The following SCFD1 variants were observed in gnomAD, a reference collection of about 807,000 sequenced individuals.
SCFD1 encodes sec1 family domain-containing protein 1.
SCFD1 carries 37 observed loss-of-function variants against 103.2 expected under a neutral mutation model. The observed-to-expected ratio is 0.36, with a 90% CI of 0.28 to 0.47. The LOEUF (loss-of-function observed/expected upper bound fraction) is 0.47, where lower values mean the gene tolerates loss of function less well. SCFD1 is among the 20% of genes least tolerant of loss of function. The probability of loss-of-function intolerance (pLI) is 1.00; values close to 1 mark genes in which losing one functional copy is unlikely to be tolerated. For missense variants in SCFD1, 639 were observed against 761.2 expected (o/e 0.84, Z 1.89); for synonymous variants, 264 against 245.0 (o/e 1.08, Z -0.73).
chr14:30,635,808 A>G (rs1029395474), intron 4 of SCFD1, among the ~76,000 whole-genome samples: 8 of 151,572 alleles, frequency 5.3e-5, no homozygotes, highest in African/African-American at 1.7e-4. Context: ...TGATAACTCT[A>G]TGTTTACCTT....
intron 14 of SCFD1, among the ~76,000 whole-genome samples, chr14:30,682,770 G>A (rs1053944579): frequency 2.0e-5 from 3 of 152,256 alleles, no homozygotes; most frequent in Non-Finnish European, 4.4e-5. Context: ...AACAGGAATG[G>A]CTAGAATATA....
intron 23 of SCFD1, among the ~76,000 whole-genome samples, chr14:30,723,521 A>G (rs1594766790): frequency 6.6e-6 from 1 of 152,050 alleles, no homozygotes; most frequent in Admixed American, 6.5e-5. Context: ...CCTAGTACCC[A>G]TTTGTTATTT....
At chr14:30,649,384 T>A in intron 7 of SCFD1, 144 bp from the exon 8 acceptor site, 1 of 626,528 alleles carries the variant, frequency 1.6e-6, no homozygotes, top group Non-Finnish European at 2.7e-6. Context: ...ATTAAAAAAA[T>A]GTGGAAAAAT....
At position 30,735,608 on chromosome 14, in the gene SCFD1, A is replaced by G; in HGVS notation, c.1928A>G (p.Ter643=). 1 of 1,590,710 alleles carries G rather than the reference A, an allele frequency of 6.3e-7. No homozygotes were observed. The highest frequency in any genetic ancestry group is 8.6e-7 in the Non-Finnish European group (1 of 1,164,392). Residue 643 remains the stop codon, a stop_retained_variant, in exon 25 of 25, where the codon TAA becomes TGA. Transcript: ENST00000458591. The stretch of plus-strand genomic sequence containing the variant: ...TAGTTGTCACAACTTGGACAAAAGT[A>G]ACACAGAAGAACCTTACTATGATAA... ...IKQLSQLGQK[*]
At chr14:30,702,237 C>CAA in intron 16 of SCFD1, 59 bp from the exon 17 acceptor site, 1 of 1,130,366 alleles carries the variant, frequency 8.8e-7, no homozygotes, top group Admixed American at 2.2e-5. Flanking sequence ...CAAATGGCAA[C>CAA]AAATAACATC....
chr14:30,623,640 C>G (rs1883085228), intron 1 of SCFD1, among the ~76,000 whole-genome samples: 1 of 152,108 alleles, frequency 6.6e-6, no homozygotes, highest in Non-Finnish European at 1.5e-5. Context: ...TGTACCAATA[C>G]AAGAGAGCTT....
intron 14 of SCFD1, among the ~76,000 whole-genome samples, chr14:30,680,668 C>T (rs1033620632): frequency 2.0e-5 from 3 of 152,138 alleles, no homozygotes; most frequent in Non-Finnish European, 2.9e-5. Context: ...GTGGCATGCA[C>T]CTGTAATCCT....
chr14:30,661,919 T>G (rs1887490643), intron 10 of SCFD1, among the ~76,000 whole-genome samples: 1 of 152,162 alleles, frequency 6.6e-6, no homozygotes, highest in African/African-American at 2.4e-5. Flanking sequence ...AGTCTGTTGA[T>G]TTATCTTATG....
chr14:30,626,193 A>G (rs148236863), intron 1 of SCFD1, among the ~76,000 whole-genome samples: 6 of 151,970 alleles, frequency 3.9e-5, no homozygotes, highest in East Asian at 1.9e-4. Context: ...ATTAAATAAA[A>G]TACATTTTTA....
chr14:30,705,735 T>TA lies in SCFD1; in HGVS notation c.1491-87dup, dbSNP rs201385570. On this transcript the variant is annotated intron_variant, in intron 17 of 24. Coordinates refer to ENST00000458591, the MANE Select transcript of SCFD1 (RefSeq NM_016106.4). The stretch of plus-strand genomic sequence containing the variant: ...CAGAAAATGTCTGCATCATAGAAGT[T>TA]AGAGTTAGTCAGTAGATATTTTAAT... 2.9e-3 allele frequency: 2,774 copies of TA among 956,268 alleles called. 57 individuals are homozygous for TA. In the African/African-American group the frequency reaches 0.042, roughly 14 times the overall value. 59.2% of individuals were successfully genotyped at this position (956,268 alleles called of 1,614,324 possible). A position where few individuals can be genotyped will look rare whatever the true frequency, so the allele number is the denominator to read the frequency against.
At chr14:30,631,194 A>G (rs926772660) in intron 3 of SCFD1, among the ~76,000 whole-genome samples, 1 of 152,142 alleles carries the variant, frequency 6.6e-6, no homozygotes, top group Non-Finnish European at 1.5e-5. Context: ...TCACTAAAAA[A>G]AATACAGAAA....
In SCFD1 at chr14:30,638,215, T is replaced by A. The variant is rs1884924150; in HGVS notation, c.403T>A (p.Leu135Ile). Residue 135 changes from leucine to isoleucine, a missense_variant, in exon 5 of 25, where the codon TTA becomes ATA. Physicochemically the swap from Leu to Ile is conservative, Grantham distance 5. Transcript: ENST00000458591. ...ACTGGAAGATATTGCAAATGCAGCG[T>A]TAGCAGCTAGTGCAGTAACACAAGT... Reference protein sequence around the residue: ...SKLEDIANAALAASAVTQVAK... With the variant: ...SKLEDIANAAIAASAVTQVAK... 4 of 1,612,874 alleles carry A rather than the reference T, an allele frequency of 2.5e-6. No homozygotes were observed. The African/African-American group carries it at 4.0e-5, about 16-fold the overall frequency.
At chr14:30,709,695 G>C (rs1891728775) in intron 19 of SCFD1, among the ~76,000 whole-genome samples, 1 of 152,192 alleles carries the variant, frequency 6.6e-6, no homozygotes, top group Non-Finnish European at 1.5e-5. Context: ...ACAATAGGAA[G>C]TTTGGGCACA....
intron 10 of SCFD1, among the ~76,000 whole-genome samples, chr14:30,662,994 A>C (rs996456469): frequency 6.6e-6 from 1 of 152,194 alleles, no homozygotes; most frequent in African/African-American, 2.4e-5. Flanking sequence ...TTTGTGTATA[A>C]ACGTTCAGTT....
intron 19 of SCFD1, among the ~76,000 whole-genome samples, chr14:30,712,221 A>G (rs1891934304): frequency 6.6e-6 from 1 of 152,114 alleles, no homozygotes; most frequent in African/African-American, 2.4e-5. Flanking sequence ...CTTGGCTGAT[A>G]ACTGCCTTCA....
At chr14:30,706,071 T>C (rs943702383) in intron 18 of SCFD1, among the ~76,000 whole-genome samples, 186 bp downstream of exon 18, 1 of 152,138 alleles carries the variant, frequency 6.6e-6, no homozygotes, top group Non-Finnish European at 1.5e-5. Flanking sequence ...TCATTGACAT[T>C]TAATAATTGT....
chr14:30,641,977 A>T (rs1410867561), intron 6 of SCFD1, among the ~76,000 whole-genome samples: 1 of 152,224 alleles, frequency 6.6e-6, no homozygotes, highest in Non-Finnish European at 1.5e-5. Context: ...AGAGGAAGAT[A>T]AGTAAGTCAA....
intron 15 of SCFD1, among the ~76,000 whole-genome samples, chr14:30,697,022 C>T (rs748830889): frequency 4.6e-5 from 7 of 152,158 alleles, no homozygotes; most frequent in African/African-American, 7.2e-5. Flanking sequence ...TTAGTGTTTT[C>T]GCTATATATC....
In SCFD1 at chr14:30,728,641, C is replaced by T. The variant is rs561822232; in HGVS notation, c.1836+6082C>T. On this transcript the variant is annotated intron_variant, in intron 23 of 24. Coordinates refer to ENST00000458591, the MANE Select transcript of SCFD1 (RefSeq NM_016106.4). Reference sequence around the variant, plus strand: ...GTAACTGTAATCATTTGAAGAACTACAGACTGTTTTCCAAAGCAGCTGCAC... The same window carrying T: ...GTAACTGTAATCATTTGAAGAACTATAGACTGTTTTCCAAAGCAGCTGCAC... 8.5e-5 allele frequency among the ~76,000 whole-genome samples: 13 copies of T among 152,278 alleles called. No individual in the cohort carries two copies. In the East Asian group the frequency reaches 2.5e-3, roughly 29 times the overall value.
Sources: allele counts gnomAD v4.1 joint callset (sites outside exome capture counted in the v4.1 genomes callset), GRCh38; gene constraint gnomAD v4.1.1; transcripts MANE v1.5; gene names NCBI Gene and HGNC (gene_info 2026-07-23, HGNC 2026-07-21).